Variants in CDH18 observed in about 807,000 individuals in gnomAD.
CDH18 encodes the protein cadherin-18.
In CDH18, 31 loss-of-function variants were observed where a neutral mutation model predicts 67.9. The ratio of observed to expected loss-of-function variants is 0.46; its 90% CI spans 0.34 to 0.62. CDH18 has a LOEUF of 0.62. Ranked by LOEUF, CDH18 falls within the 20% of genes least tolerant of loss-of-function variation. CDH18 has a pLI of 0.01. For missense variants in CDH18, 890 were observed against 975.5 expected (o/e 0.91, Z 1.17); for synonymous variants, 362 against 347.2 (o/e 1.04, Z -0.48).
chr5:20,242,660 ACTAGC>A, intron 2 of CDH18, among the ~76,000 whole-genome samples: 1 of 142,034 alleles, frequency 7.0e-6, no homozygotes, highest in African/African-American at 2.7e-5. Context: ...ATGTAAATGG[ACTAGC>A]TATCCAAGAA....
chr5:20,351,177 T>G (rs1741143236), intron 1 of CDH18, among the ~76,000 whole-genome samples: 1 of 142,582 alleles, frequency 7.0e-6, no homozygotes, highest in Non-Finnish European at 1.5e-5. Context: ...TGTGTGTGTG[T>G]GTGTGTGTGT....
chr5:20,408,218 A>C (rs1008804485), intron 1 of CDH18, among the ~76,000 whole-genome samples: 1 of 152,072 alleles, frequency 6.6e-6, no homozygotes, highest in South Asian at 2.1e-4. Context: ...AAGGTGAGGG[A>C]GATCATCACC....
At chr5:20,537,560 G>A (rs949520044) in intron 1 of CDH18, among the ~76,000 whole-genome samples, 3 of 152,066 alleles carry the variant, frequency 2.0e-5, no homozygotes, top group Non-Finnish European at 4.4e-5. Flanking sequence ...AATAAAAGGT[G>A]AGGGCAATAG....
chr5:20,248,661 T>A (rs571905120), intron 2 of CDH18, among the ~76,000 whole-genome samples: 1 of 152,370 alleles, frequency 6.6e-6, no homozygotes, highest in African/African-American at 2.4e-5. Context: ...CAACCCTGTG[T>A]GACCTTCTGC....
chr5:20,474,777 A>T (rs1452310206), intron 1 of CDH18, among the ~76,000 whole-genome samples: 2 of 152,198 alleles, frequency 1.3e-5, no homozygotes, highest in Non-Finnish European at 2.9e-5. Flanking sequence ...CTGCTGCAAG[A>T]TATCCTTTTA....
intron 2 of CDH18, among the ~76,000 whole-genome samples, chr5:19,972,256 A>G (rs1210646457): frequency 6.6e-6 from 1 of 152,032 alleles, no homozygotes; most frequent in South Asian, 2.1e-4. Flanking sequence ...AGCATCTTGA[A>G]ATAAATATAC....
At chr5:19,669,245 T>C (rs1430330791) in intron 5 of CDH18, among the ~76,000 whole-genome samples, 3 of 146,342 alleles carry the variant, frequency 2.0e-5, no homozygotes, top group African/African-American at 7.5e-5. Flanking sequence ...ATATGATATA[T>C]ATTATATATA....
At chr5:20,304,772 A>C in intron 1 of CDH18, 1 of 1,611,008 alleles carries the variant, frequency 6.2e-7, no homozygotes, top group African/African-American at 1.3e-5. Flanking sequence ...AATTTTGTTG[A>C]GCCAACAAGG....
chr5:20,251,535 G>C (rs1236568812), intron 2 of CDH18, among the ~76,000 whole-genome samples: 1 of 152,182 alleles, frequency 6.6e-6, no homozygotes, highest in Non-Finnish European at 1.5e-5. Flanking sequence ...ATTTGCAATA[G>C]GGATATGTTC....
At chr5:20,182,440 T>C (rs1204378643) in intron 2 of CDH18, among the ~76,000 whole-genome samples, 1 of 151,472 alleles carries the variant, frequency 6.6e-6, no homozygotes, top group Non-Finnish European at 1.5e-5. Flanking sequence ...CCGTCTCTAC[T>C]AAAAATACAA....
intron 2 of CDH18, among the ~76,000 whole-genome samples, chr5:20,178,738 G>T (rs115649816): frequency 1.1e-4 from 17 of 152,136 alleles, no homozygotes; most frequent in Non-Finnish European, 2.1e-4. Flanking sequence ...AGTTCTCAAA[G>T]CATTTCCATG....
At chr5:19,942,780 G>A (rs920678893) in intron 2 of CDH18, among the ~76,000 whole-genome samples, 2 of 152,176 alleles carry the variant, frequency 1.3e-5, no homozygotes, top group Non-Finnish European at 2.9e-5. Context: ...AGAGGTCAAG[G>A]TGGAAGTATG....
chr5:19,932,332 A>G (rs999313200), intron 2 of CDH18, among the ~76,000 whole-genome samples: 5 of 151,798 alleles, frequency 3.3e-5, no homozygotes, highest in African/African-American at 1.2e-4. Flanking sequence ...TTATTAAAGT[A>G]CGCGTGTTAT....
chr5:20,251,440 C>A (rs989355910), intron 2 of CDH18, among the ~76,000 whole-genome samples: 4 of 152,078 alleles, frequency 2.6e-5, no homozygotes, highest in African/African-American at 9.7e-5. Context: ...GCTACAAAAT[C>A]TTTCATAATA....
At chr5:19,737,461 G>T (rs558768542) in intron 4 of CDH18, among the ~76,000 whole-genome samples, 9 of 152,166 alleles carry the variant, frequency 5.9e-5, no homozygotes, top group African/African-American at 2.2e-4. Context: ...TTGTATGTGT[G>T]TGTTTTTTTC....
intron 6 of CDH18, among the ~76,000 whole-genome samples, chr5:19,593,696 T>G (rs796104438): frequency 1.2e-4 from 2 of 16,870 alleles, no homozygotes; most frequent in South Asian, 5.6e-3. Context: ...TCTCTTCCTC[T>G]TCCTCCTCCT....
At chr5:20,105,501 T>C (rs1335200317) in intron 2 of CDH18, among the ~76,000 whole-genome samples, 1 of 152,164 alleles carries the variant, frequency 6.6e-6, no homozygotes, top group Non-Finnish European at 1.5e-5. Context: ...ATGTTCGCAG[T>C]GTTGAGCAAT....
chr5:20,560,511 A>ACG (rs1197460480), intron 1 of CDH18, among the ~76,000 whole-genome samples: 1 of 146,218 alleles, frequency 6.8e-6, no homozygotes, highest in African/African-American at 2.6e-5. Flanking sequence ...ACACACACAC[A>ACG]CCCCTACATT....
chr5:20,117,886 CT>C (rs1216426558), intron 2 of CDH18, among the ~76,000 whole-genome samples: 8 of 152,040 alleles, frequency 5.3e-5, no homozygotes, highest in Non-Finnish European at 8.8e-5. Context: ...GAAGCAACAC[CT>C]TTTTTTCCTG....
Sources: gnomAD v4.1 joint callset for allele counts (sites outside exome capture counted in the v4.1 genomes callset) on GRCh38, gnomAD v4.1.1 for gene constraint, MANE v1.5 for transcripts, NCBI Gene and HGNC (gene_info 2026-07-23, HGNC 2026-07-21) for gene names.